The following FYN variants were observed in gnomAD, a reference collection of about 807,000 sequenced individuals.
FYN encodes tyrosine-protein kinase Fyn.
A neutral mutation model predicts 70.2 loss-of-function variants in FYN; 10 were observed. The observed-to-expected ratio is 0.14, with a 90% CI of 0.09 to 0.24. The LOEUF (loss-of-function observed/expected upper bound fraction) is 0.24, where lower values mean the gene tolerates loss of function less well. Ranked by LOEUF, FYN falls within the 10% of genes least tolerant of loss-of-function variation. The probability of loss-of-function intolerance (pLI) is 1.00; values close to 1 mark genes in which losing one functional copy is unlikely to be tolerated. For missense variants in FYN, 319 were observed against 673.1 expected (o/e 0.47, Z 5.82); for synonymous variants, 236 against 248.6 (o/e 0.95, Z 0.48).
chr6:111,704,042 G>T lies in FYN; in HGVS notation c.504C>A (p.Asn168Lys). 2 of 1,614,168 alleles carry T rather than the reference G, an allele frequency of 1.2e-6. No individual in the cohort carries two copies. The highest frequency in any genetic ancestry group is 1.7e-6 in the Non-Finnish European group (2 of 1,180,008). The change falls in exon 7 of 14, where the codon AAC (asparagine) becomes AAA (lysine). Residue 168 changes from asparagine (N) to lysine (K), a missense_variant. Coordinates refer to ENST00000354650, the MANE Select transcript of FYN (RefSeq NM_002037.5). ...DAERQLLSFG[N>K]PRGTFLIRES... is the part of the protein sequence containing the mutation. ...CGCGGATAAGAAAGGTACCTCTTGGGTTTCCAAAGGACAATAGCTGTCGCT... is the reference window on the plus strand; with the variant it reads ...CGCGGATAAGAAAGGTACCTCTTGGTTTTCCAAAGGACAATAGCTGTCGCT...
chr6:111,847,106 G>A (rs9487736), intron 1 of FYN, among the ~76,000 whole-genome samples: 46,684 of 152,118 alleles, frequency 0.31, 11,702 homozygotes, highest in African/African-American at 0.7. Flanking sequence ...GGTGGGCCCC[G>A]CTGTCAAAAA....
At chr6:111,835,216 GA>G (rs1463292286) in intron 2 of FYN, among the ~76,000 whole-genome samples, 2 of 152,140 alleles carry the variant, frequency 1.3e-5, no homozygotes, top group Non-Finnish European at 2.9e-5. Context: ...AACAACCAGA[GA>G]AACTGTAACT....
chr6:111,734,869 A>T (rs546344286), intron 3 of FYN, among the ~76,000 whole-genome samples: 1 of 152,344 alleles, frequency 6.6e-6, no homozygotes, highest in African/African-American at 2.4e-5. Flanking sequence ...TTTATGTGAC[A>T]GGCACTGTGC....
chr6:111,745,694 G>A (rs576938038), intron 3 of FYN, among the ~76,000 whole-genome samples: 1 of 152,348 alleles, frequency 6.6e-6, no homozygotes, highest in Admixed American at 6.5e-5. Context: ...CAGGCAGCAT[G>A]TTCTGGAGGG....
chr6:111,666,559 G>C (rs192448229), intron 13 of FYN, among the ~76,000 whole-genome samples: 45 of 152,292 alleles, frequency 3.0e-4, no homozygotes, highest in African/African-American at 8.4e-4. Context: ...CAACTGAACA[G>C]TACTCAATCC....
At chr6:111,662,364 C>G (rs919903472) in intron 13 of FYN, among the ~76,000 whole-genome samples, 16 of 152,312 alleles carry the variant, frequency 1.1e-4, no homozygotes, top group Admixed American at 1.0e-3. Context: ...ACAAACTTTT[C>G]CTGTAAAAGG....
intron 3 of FYN, among the ~76,000 whole-genome samples, chr6:111,775,678 C>T (rs1037502436): frequency 5.9e-5 from 9 of 152,204 alleles, no homozygotes; most frequent in African/African-American, 2.2e-4. Context: ...CTCACAATTT[C>T]GTGTGCATAA....
chr6:111,849,695 G>C (rs1447895660), intron 1 of FYN, among the ~76,000 whole-genome samples: 1 of 152,308 alleles, frequency 6.6e-6, no homozygotes, highest in East Asian at 1.9e-4. Context: ...TCCCAGGAAA[G>C]GGCCGAAAAA....
At chr6:111,662,115 G>A (rs1797765226) in intron 13 of FYN, among the ~76,000 whole-genome samples, 168 bp from the exon 14 acceptor site, 2 of 152,208 alleles carry the variant, frequency 1.3e-5, no homozygotes, top group African/African-American at 2.4e-5. Context: ...GAGTAAAGAA[G>A]GAGTGCAGAA....
At chr6:111,748,666 A>ACTTT (rs1802346268) in intron 3 of FYN, among the ~76,000 whole-genome samples, 4 of 152,254 alleles carry the variant, frequency 2.6e-5, no homozygotes, top group Non-Finnish European at 2.9e-5. Context: ...GATGTAATGT[A>ACTTT]AGTATAAAGC....
chr6:111,723,231 T>C (rs917463138), intron 3 of FYN, among the ~76,000 whole-genome samples: 2 of 152,294 alleles, frequency 1.3e-5, no homozygotes, highest in South Asian at 2.1e-4. Context: ...AGCTTATCTA[T>C]AATTTTATGA....
intron 3 of FYN, among the ~76,000 whole-genome samples, chr6:111,720,977 C>T (rs1242063352): frequency 6.6e-6 from 1 of 152,154 alleles, no homozygotes; most frequent in Non-Finnish European, 1.5e-5. Context: ...TTACTTCCCA[C>T]TCTTCCTGTC....
rs561277083 is a variant in FYN, at chr6:111,737,302, C to T, written c.-11-17240G>A. Among the ~76,000 whole-genome samples, 8 of 152,280 alleles carry T rather than the reference C, an allele frequency of 5.3e-5. No individual in the cohort carries two copies. The East Asian group carries it at 1.5e-3, about 29-fold the overall frequency. On this transcript the variant is annotated intron_variant, in intron 3 of 13. Coordinates refer to ENST00000354650, the MANE Select transcript of FYN (RefSeq NM_002037.5). The stretch of plus-strand genomic sequence containing the variant: ...AGTGTCAGATCCTACAGGTTGAGGG[C>T]TTAGTTTCACAAAACTGCTCCCCAC...
intron 4 of FYN, among the ~76,000 whole-genome samples, chr6:111,719,448 A>T (rs1349022986): frequency 6.6e-6 from 1 of 152,202 alleles, no homozygotes; most frequent in African/African-American, 2.4e-5. Context: ...AGACTGGGAC[A>T]TGGCTCAGGC....
chr6:111,774,639 A>G (rs1049812073), intron 3 of FYN, among the ~76,000 whole-genome samples: 5 of 150,754 alleles, frequency 3.3e-5, no homozygotes, highest in Admixed American at 6.6e-5. Flanking sequence ...CCAACTGGTG[A>G]TAACATTGCA....
At chr6:111,865,075 C>T (rs1159923104) in intron 1 of FYN, among the ~76,000 whole-genome samples, 1 of 152,138 alleles carries the variant, frequency 6.6e-6, no homozygotes, top group East Asian at 1.9e-4. Flanking sequence ...GAATACAAGG[C>T]CAGAAACAAG....
At position 111,696,181 on chromosome 6, in the gene FYN, A is replaced by G. The variant is rs1799566016; in HGVS notation, c.1042+96T>C. 3.6e-6 allele frequency: 4 copies of G among 1,110,822 alleles called. No homozygotes were observed. The South Asian group carries it at 8.9e-5, about 25-fold the overall frequency. The allele number at this position is 1,110,822 out of a possible 1,614,324, so 68.8% of individuals were successfully genotyped here. A position where few individuals can be genotyped will look rare whatever the true frequency, so the allele number is the denominator to read the frequency against. On this transcript the variant is annotated intron_variant, in intron 10 of 13. Transcript: ENST00000354650. The stretch of plus-strand genomic sequence containing the variant: ...TAATGGGAATACTTGACCCAGGCAG[A>G]AACTAGAAAAGTAGCAAGTAGGAAA...
At chr6:111,740,054 C>T (rs748169382) in intron 3 of FYN, among the ~76,000 whole-genome samples, 2 of 125,206 alleles carry the variant, frequency 1.6e-5, no homozygotes, top group African/African-American at 5.9e-5. Flanking sequence ...GAACTCCTGA[C>T]CTTGTGATCC....
At chr6:111,771,509 C>T (rs1405093698) in intron 3 of FYN, among the ~76,000 whole-genome samples, 2 of 145,392 alleles carry the variant, frequency 1.4e-5, no homozygotes, top group African/African-American at 4.9e-5. Context: ...CTTTCCCCCT[C>T]TTCAAAAAAT....
Sources: allele counts gnomAD v4.1 joint callset (sites outside exome capture counted in the v4.1 genomes callset), GRCh38; gene constraint gnomAD v4.1.1; transcripts MANE v1.5; gene names NCBI Gene and HGNC (gene_info 2026-07-23, HGNC 2026-07-21).